GRIN2B: variants seen among roughly 807,000 people sequenced by gnomAD.
The protein encoded by GRIN2B is glutamate ionotropic receptor NMDA type subunit 2B.
Under a neutral mutation model 114.5 loss-of-function variants are expected in GRIN2B, and 5 were observed. That is an observed-to-expected ratio of 0.04 (90% CI 0.02 to 0.09). The LOEUF is 0.09. Among genes scored for constraint, GRIN2B ranks in the 10% least tolerant of loss-of-function variants. The probability of loss-of-function intolerance (pLI) is 1.00; values close to 1 mark genes in which losing one functional copy is unlikely to be tolerated. For synonymous variants in GRIN2B, 787 were observed against 745.1 expected (o/e 1.06, Z -0.92); for missense variants, 1,108 against 1,943.5 (o/e 0.57, Z 8.08).
chr12:13,705,899 G>A (rs1950355559), intron 4 of GRIN2B, among the ~76,000 whole-genome samples: 1 of 152,132 alleles, frequency 6.6e-6, no homozygotes, highest in Non-Finnish European at 1.5e-5. Context: ...ATGAAGGGTT[G>A]TTATTAGTGA....
intron 5 of GRIN2B, among the ~76,000 whole-genome samples, chr12:13,663,124 G>T (rs1167375101): frequency 3.3e-5 from 5 of 152,094 alleles, no homozygotes; most frequent in Non-Finnish European, 7.4e-5. Flanking sequence ...GAGAACCTCT[G>T]ATGTAAACTG....
chr12:13,822,963 C>G (rs566678416), intron 3 of GRIN2B, among the ~76,000 whole-genome samples: 8 of 152,002 alleles, frequency 5.3e-5, no homozygotes, highest in Non-Finnish European at 1.0e-4. Flanking sequence ...CATTAAATTA[C>G]TCTGGCATTT....
chr12:13,688,464 C>T (rs1014390058), intron 4 of GRIN2B, among the ~76,000 whole-genome samples: 2 of 152,140 alleles, frequency 1.3e-5, no homozygotes, highest in East Asian at 1.9e-4. Flanking sequence ...AATTAGAGAA[C>T]CCCAGTCTCT....
At chr12:13,906,919 A>G (rs1866545600) in intron 2 of GRIN2B, among the ~76,000 whole-genome samples, 1 of 152,222 alleles carries the variant, frequency 6.6e-6, no homozygotes, top group African/African-American at 2.4e-5. Flanking sequence ...TGTTTGCAAC[A>G]GATTTATCTC....
chr12:13,565,916 C>T (rs537248949), intron 13 of GRIN2B, among the ~76,000 whole-genome samples: 2 of 152,238 alleles, frequency 1.3e-5, no homozygotes, highest in South Asian at 4.2e-4. Context: ...GAGAAAATTC[C>T]AAGCCTTTTT....
intron 4 of GRIN2B, among the ~76,000 whole-genome samples, chr12:13,706,870 T>C (rs545809194): frequency 1.1e-3 from 175 of 152,204 alleles, no homozygotes; most frequent in African/African-American, 4.1e-3. Context: ...GGTTCTCTTC[T>C]TTCCCTTTGA....
At chr12:13,897,990 T>TAAATA (rs369484619) in intron 2 of GRIN2B, among the ~76,000 whole-genome samples, 6 of 144,630 alleles carry the variant, frequency 4.1e-5, no homozygotes, top group African/African-American at 1.3e-4. Context: ...TAAAGTATAA[T>TAAATA]AATAAATAAA....
intron 3 of GRIN2B, among the ~76,000 whole-genome samples, chr12:13,854,563 T>C (rs57055881): frequency 0.08 from 12,150 of 151,930 alleles, 839 homozygotes; most frequent in African/African-American, 0.19. Context: ...GAGAGAGGCA[T>C]GCAGAAAGGG....
rs371573048 is a variant in GRIN2B, at chr12:13,696,419, T to C, written c.1011-20560A>G. On this transcript the variant is annotated intron_variant, in intron 4 of 13. Transcript: ENST00000609686. ...CCAACATCTCTTTTGCATGGTGGGA[T>C]ATAAGATGATTGCTTCAGTAATTAT... is the stretch of plus-strand genomic sequence containing the variant. Among the ~76,000 whole-genome samples the C allele has an allele frequency of 3.9e-5, 6 of 152,300 alleles. No individual in the cohort carries two copies. In the East Asian group the frequency reaches 1.2e-3, roughly 29 times the overall value.
rs535210206 is a variant in GRIN2B, at chr12:13,708,231, T to C, written c.1011-32372A>G. 4.6e-5 allele frequency among the ~76,000 whole-genome samples: 7 copies of C among 152,228 alleles called. No homozygotes were observed. In the South Asian group the frequency reaches 1.5e-3, roughly 32 times the overall value. Reference sequence around the variant, plus strand: ...GAGGCTGGGTAATGAGGAGAGGCTATGTCCTCTCCTTCCCCCACGCTTCCC... The same window carrying C: ...GAGGCTGGGTAATGAGGAGAGGCTACGTCCTCTCCTTCCCCCACGCTTCCC... On this transcript the variant is annotated intron_variant, in intron 4 of 13. Coordinates refer to ENST00000609686, the MANE Select transcript of GRIN2B (RefSeq NM_000834.5).
chr12:13,718,281 C>T (rs1565511853), intron 4 of GRIN2B, among the ~76,000 whole-genome samples: 1 of 152,090 alleles, frequency 6.6e-6, no homozygotes, highest in Admixed American at 6.6e-5. Flanking sequence ...CATGCTGCTC[C>T]TCTTCCTCCT....
rs1007081062 is a variant in GRIN2B at position 13,539,440 on chromosome 12, G to A, written c.*23343C>T. ...TATTTTCTTACCAAGATAGCTAAGG[G>A]GGAGATACTATTATTTAACTTGGAT... On this transcript the variant is annotated 3_prime_UTR_variant, in exon 14 of 14. Coordinates refer to ENST00000609686, the MANE Select transcript of GRIN2B (RefSeq NM_000834.5). 5 of 152,204 alleles carry A rather than the reference G, an allele frequency of 3.3e-5. No individual in the cohort carries two copies. Among genetic ancestry groups the A allele is most frequent in the Admixed American group, 3.3e-4 (5 of 15,286 alleles). The allele number at this position is 152,204 out of a possible 1,614,324, so 9.4% of individuals were successfully genotyped here.
intron 2 of GRIN2B, 136 bp from the exon 3 acceptor site, chr12:13,866,362 C>T: frequency 2.7e-6 from 2 of 734,092 alleles, no homozygotes; most frequent in Non-Finnish European, 4.7e-6. Context: ...TACCAGCCTA[C>T]TCTCTTATCT....
chr12:13,713,756 G>A (rs1950433535), intron 4 of GRIN2B, among the ~76,000 whole-genome samples: 1 of 151,744 alleles, frequency 6.6e-6, no homozygotes, highest in South Asian at 2.1e-4. Context: ...AGACAATAAA[G>A]CTTGCATATT....
chr12:13,670,056 C>T (rs914032638), intron 5 of GRIN2B, among the ~76,000 whole-genome samples: 2 of 152,118 alleles, frequency 1.3e-5, no homozygotes, highest in African/African-American at 2.4e-5. Flanking sequence ...TCCCTTTTCT[C>T]GGTTTGGTTG....
chr12:13,565,078 C>T (rs1948620385), intron 13 of GRIN2B, among the ~76,000 whole-genome samples: 1 of 152,250 alleles, frequency 6.6e-6, no homozygotes, highest in Non-Finnish European at 1.5e-5. Context: ...GGTTGCTCTG[C>T]TGTGGCTGGG....
intron 3 of GRIN2B, among the ~76,000 whole-genome samples, chr12:13,768,098 G>GA (rs1424629611): frequency 6.6e-6 from 1 of 152,202 alleles, no homozygotes; most frequent in African/African-American, 2.4e-5. Flanking sequence ...TTTGCTCAGT[G>GA]AATGCCTTCT....
At position 13,556,016 on chromosome 12, in the gene GRIN2B, G is replaced by A. The variant is rs1464577474; in HGVS notation, c.*6767C>T. On this transcript the variant is annotated 3_prime_UTR_variant, in exon 14 of 14. Coordinates refer to ENST00000609686, the MANE Select transcript of GRIN2B (RefSeq NM_000834.5). The stretch of plus-strand genomic sequence containing the variant: ...TGCCGGTGAGAATATTGCTAATGTG[G>A]GTAAATACAGGGTTAGACCAAAGAG... The A allele has an allele frequency of 6.6e-6, 1 of 152,090 alleles. No homozygotes were observed. Among genetic ancestry groups the A allele is most frequent in the Non-Finnish European group, 1.5e-5 (1 of 68,036 alleles). 9.4% of individuals were successfully genotyped at this position (152,090 alleles called of 1,614,324 possible). A position where few individuals can be genotyped will look rare whatever the true frequency, so the allele number is the denominator to read the frequency against.
At chr12:13,640,026 C>A (rs1212046254) in intron 5 of GRIN2B, among the ~76,000 whole-genome samples, 1 of 152,074 alleles carries the variant, frequency 6.6e-6, no homozygotes, top group Non-Finnish European at 1.5e-5. Context: ...CTTATGGTAT[C>A]ATTGGAAAAA....
Sources: allele counts gnomAD v4.1 joint callset (sites outside exome capture counted in the v4.1 genomes callset), GRCh38; gene constraint gnomAD v4.1.1; transcripts MANE v1.5; gene names NCBI Gene and HGNC (gene_info 2026-07-23, HGNC 2026-07-21).